PUDP: variants seen among roughly 807,000 people sequenced by gnomAD.
PUDP encodes the protein pseudouridine 5'-phosphatase, also known as pseudouridine-5'-phosphatase.
A neutral mutation model predicts 9.4 loss-of-function variants in PUDP; 8 were observed. The observed-to-expected ratio is 0.85, with a 90% confidence interval of 0.50 to 1.53. The LOEUF is 1.53. Ranked by LOEUF, PUDP falls within the 40% of genes most tolerant of loss-of-function variation. PUDP has a pLI of 0.00. For missense variants in PUDP, 188 were observed against 189.7 expected, an observed-to-expected ratio of 0.99 and a Z score of 0.05; for synonymous variants, 99 against 80.7, an observed-to-expected ratio of 1.23 and a Z score of -1.22.
At chrX:6,725,728 T>G (rs749904722), upstream of PUDP, among the ~76,000 whole-genome samples, 74 of 112,058 alleles carry the variant, frequency 6.6e-4, no homozygotes, top group Non-Finnish European at 1.2e-3. Context: ...ATCTTACTCC[T>G]GCAAGAATGG....
intron 1 of PUDP, among the ~76,000 whole-genome samples, chrX:6,997,904 G>T (rs114583591): frequency 0.014 from 1,599 of 112,033 alleles, 33 homozygotes; most frequent in African/African-American, 0.048. Flanking sequence ...GAAAGTGGAG[G>T]TCATGTTGAG....
At chrX:7,027,762 ATAT>A (rs1246005173) in intron 1 of PUDP, among the ~76,000 whole-genome samples, 150 of 98,345 alleles carry the variant, frequency 1.5e-3, no homozygotes, top group African/African-American at 5.4e-3. Flanking sequence ...TATATAGAAT[ATAT>A]TATTTTCTAT....
At chrX:6,751,035 G>A (rs1305761885) in intron 3 of PUDP, among the ~76,000 whole-genome samples, 1 of 110,293 alleles carries the variant, frequency 9.1e-6, no homozygotes, top group East Asian at 2.8e-4. Flanking sequence ...CCAGCTACTC[G>A]GGAGGCTGAG....
At chrX:7,056,718 G>A (rs1048931392) in intron 3 of PUDP, among the ~76,000 whole-genome samples, 3 of 111,372 alleles carry the variant, frequency 2.7e-5, no homozygotes, top group Non-Finnish European at 3.8e-5. Context: ...GATGGTGGAG[G>A]TGTCCTGGGT....
At chrX:6,720,256 GTGTATATATATA>G (rs1265845807) in intron 1 of PUDP, among the ~76,000 whole-genome samples, 2 of 37,141 alleles carry the variant, frequency 5.4e-5, no homozygotes, top group East Asian at 1.7e-3. Flanking sequence ...GTGTGTGTGT[GTGTATATATATA>G]TATATATATA....
chrX:6,936,436 C>A (rs1195108711), intron 3 of PUDP, among the ~76,000 whole-genome samples: 1 of 69,238 alleles, frequency 1.4e-5, no homozygotes, highest in Non-Finnish European at 2.8e-5. Context: ...ATTCAACAAC[C>A]CTTCATGCTA....
intron 3 of PUDP, among the ~76,000 whole-genome samples, chrX:6,922,118 A>G (rs1928033118): frequency 9.0e-6 from 1 of 110,931 alleles, no homozygotes; most frequent in Non-Finnish European, 1.9e-5. Flanking sequence ...GAGTAGGGGG[A>G]TGCTGGGGGG....
intron 1 of PUDP, among the ~76,000 whole-genome samples, chrX:7,011,065 A>G (rs1405240220): frequency 8.9e-6 from 1 of 112,227 alleles, no homozygotes; most frequent in Non-Finnish European, 1.9e-5. Flanking sequence ...GATTGGGGCA[A>G]ATGTGCCCTT....
chrX:6,885,162 A>C (rs1166599559), intron 3 of PUDP, among the ~76,000 whole-genome samples: 4 of 111,933 alleles, frequency 3.6e-5, no homozygotes, highest in African/African-American at 1.3e-4. Context: ...AGTGGAAAGA[A>C]ACTTTGAGAA....
At chrX:6,862,223 AC>A (rs1396940843) in intron 3 of PUDP, among the ~76,000 whole-genome samples, 7 of 111,950 alleles carry the variant, frequency 6.3e-5, no homozygotes, top group Non-Finnish European at 1.3e-4. Flanking sequence ...TGGAAAGACC[AC>A]CGGTCTATGG....
chrX:6,871,019 T>C (rs1241415184), intron 3 of PUDP, among the ~76,000 whole-genome samples: 2 of 112,010 alleles, frequency 1.8e-5, no homozygotes, highest in Non-Finnish European at 3.8e-5. Flanking sequence ...TAAATTTTTA[T>C]AGAGACCTGG....
intron 2 of PUDP, among the ~76,000 whole-genome samples, chrX:7,098,422 A>G (rs1931634968): frequency 9.0e-6 from 1 of 111,327 alleles, no homozygotes; most frequent in Non-Finnish European, 1.9e-5. Flanking sequence ...TCCTTTCATG[A>G]CAGCCCTAAT....
intron 1 of PUDP, 189 bp downstream of exon 1, chrX:7,147,864 G>A: frequency 5.0e-6 from 1 of 198,512 alleles, no homozygotes; most frequent in Middle Eastern, 1.7e-3. Flanking sequence ...GCCCGGACAT[G>A]GGCCCGCGGG....
At chrX:6,716,722 T>C (rs1369530706) in intron 1 of PUDP, among the ~76,000 whole-genome samples, 2 of 110,547 alleles carry the variant, frequency 1.8e-5, no homozygotes, top group African/African-American at 3.3e-5. Context: ...AACCTCAAAC[T>C]CCTGGGTCCA....
intron 3 of PUDP, among the ~76,000 whole-genome samples, chrX:6,845,448 G>A (rs1286885353): frequency 9.0e-6 from 1 of 111,598 alleles, no homozygotes; most frequent in African/African-American, 3.3e-5. Context: ...AATCAACCTC[G>A]CAGTCCATTC....
chrX:7,068,498 G>A (rs1443081448), intron 3 of PUDP, among the ~76,000 whole-genome samples: 1 of 111,706 alleles, frequency 9.0e-6, no homozygotes, highest in Admixed American at 9.5e-5. Flanking sequence ...ATGAGACCTT[G>A]AAGTCAACAT....
At chrX:6,779,600 A>G (rs1467514041) in intron 3 of PUDP, among the ~76,000 whole-genome samples, 1 of 111,591 alleles carries the variant, frequency 9.0e-6, no homozygotes, top group East Asian at 2.8e-4. Context: ...ACATAACGGC[A>G]TTGCAGCTTA....
chrX:6,800,554 G>A (rs367631661), intron 3 of PUDP, among the ~76,000 whole-genome samples: 2 of 111,701 alleles, frequency 1.8e-5, no homozygotes, highest in African/African-American at 3.3e-5. Context: ...GCAATGTTTC[G>A]GTTCTCACCA....
In PUDP at chrX:6,985,698, C is replaced by T. The variant is rs113831339; in HGVS notation, c.205-7355G>A. ...TTGTGGAAGCCTGTGTTAGTGAGAC[C>T]TGGCCTTCCACACGGCCCATCTGGA... is the stretch of plus-strand genomic sequence containing the variant. On this transcript the variant is annotated intron_variant and NMD_transcript_variant, in intron 1 of 3. Coordinates refer to the PUDP transcript ENST00000655425. Among the ~76,000 whole-genome samples, 450 of 111,194 alleles carry T rather than the reference C, an allele frequency of 4.0e-3. 3 individuals carry two copies. Among genetic ancestry groups the T allele is most frequent in the African/African-American group, 0.014 (433 of 30,557 alleles).
Sources: gnomAD v4.1 joint callset for allele counts (sites outside exome capture counted in the v4.1 genomes callset) on GRCh38, gnomAD v4.1.1 for gene constraint, MANE v1.5 for transcripts, NCBI Gene and HGNC (gene_info 2026-07-23, HGNC 2026-07-21) for gene names.